Variants in MGAT5B observed in about 807,000 individuals in gnomAD.
The protein encoded by MGAT5B is N-acetylglucosaminyl-transferase Vb.
Under a neutral mutation model 95.1 loss-of-function variants are expected in MGAT5B, and 54 were observed. The ratio of observed to expected loss-of-function variants is 0.57; its 90% confidence interval spans 0.46 to 0.71. MGAT5B has a LOEUF of 0.71. Among genes scored for constraint, MGAT5B ranks in the 30% least tolerant of loss-of-function variants. The probability of loss-of-function intolerance (pLI) is 0.00; values close to 1 mark genes in which losing one functional copy is unlikely to be tolerated. For missense variants in MGAT5B, 935 were observed against 1,088.6 expected (o/e 0.86, Z 1.99); for synonymous variants, 464 against 451.0 (o/e 1.03, Z -0.36).
chr17:76,876,144 G>T (rs1967178923), intron 2 of MGAT5B, among the ~76,000 whole-genome samples: 1 of 152,114 alleles, frequency 6.6e-6, no homozygotes, highest in Non-Finnish European at 1.5e-5. Context: ...GTGCAATGTG[G>T]GTTTAACATC....
chr17:76,877,285 A>G (rs2145122636), intron 2 of MGAT5B, among the ~76,000 whole-genome samples: 1 of 147,852 alleles, frequency 6.8e-6, no homozygotes, highest in South Asian at 2.2e-4. Context: ...AGATTGCGCC[A>G]CTGCACTCCA....
chr17:76,902,275 A>G (rs866908825), intron 3 of MGAT5B, among the ~76,000 whole-genome samples: 3 of 151,640 alleles, frequency 2.0e-5, no homozygotes, highest in Admixed American at 2.0e-4. Context: ...TGCAGATATG[A>G]TCACACATGC....
intron 3 of MGAT5B, among the ~76,000 whole-genome samples, chr17:76,887,745 T>G (rs1276182231): frequency 6.6e-6 from 1 of 150,792 alleles, no homozygotes; most frequent in Non-Finnish European, 1.5e-5. Context: ...TTAGTAGAGA[T>G]GGGGTTTCGC....
intron 3 of MGAT5B, among the ~76,000 whole-genome samples, chr17:76,886,948 G>A (rs1257134581): frequency 1.3e-5 from 2 of 152,208 alleles, no homozygotes; most frequent in African/African-American, 4.8e-5. Context: ...GGAGGCTAAG[G>A]CAGGAGAATC....
At chr17:76,903,155 A>G in intron 4 of MGAT5B, 148 bp from the exon 5 acceptor site, 1 of 603,362 alleles carries the variant, frequency 1.7e-6, no homozygotes, top group Admixed American at 3.1e-5. Context: ...GCCCGGGTTG[A>G]CCTTGTGGGT....
chr17:76,877,103 A>G (rs1967219923), intron 2 of MGAT5B, among the ~76,000 whole-genome samples: 1 of 152,000 alleles, frequency 6.6e-6, no homozygotes, highest in African/African-American at 2.4e-5. Context: ...AGGCAGGTGG[A>G]TCACCTGAGG....
intron 10 of MGAT5B, 109 bp from the exon 11 acceptor site, chr17:76,932,536 T>C: frequency 3.2e-6 from 4 of 1,263,056 alleles, no homozygotes; most frequent in Admixed American, 2.2e-5. Flanking sequence ...CCCCGCCCCC[T>C]TTCCCACCCC....
At chr17:76,936,716 T>A (rs958387508) in intron 12 of MGAT5B, among the ~76,000 whole-genome samples, 1 of 152,242 alleles carries the variant, frequency 6.6e-6, no homozygotes, top group African/African-American at 2.4e-5. Flanking sequence ...TCCACTGAAA[T>A]GTTTTGCACC....
rs1966932350 is a variant in MGAT5B, at chr17:76,869,817, G to A, written c.68+720G>A. 6.6e-6 allele frequency among the ~76,000 whole-genome samples: 1 copy of A among 152,126 alleles called. No individual in the cohort carries two copies. ...CACGCTTCGGGCGGCCAACACCTGG[G>A]GGCCCAGGCCAGGCAGGGCTGGGGC... On this transcript the variant is annotated intron_variant, in intron 1 of 17. Transcript: ENST00000569840. This position sits in a 1 kb window ranked among gnomAD's most constrained non-coding sequence, Gnocchi z 7.0.
At chr17:76,875,688 C>T (rs568481942) in intron 2 of MGAT5B, among the ~76,000 whole-genome samples, 1 of 114,332 alleles carries the variant, frequency 8.7e-6, no homozygotes, top group African/African-American at 3.5e-5. Flanking sequence ...TGCTGTGTAG[C>T]CTTCCATTGT....
chr17:76,900,558 C>T (rs527496893), intron 3 of MGAT5B, among the ~76,000 whole-genome samples: 46 of 152,300 alleles, frequency 3.0e-4, no homozygotes, highest in African/African-American at 1.0e-3. Flanking sequence ...GGAGCAGCCA[C>T]GGGCTGAGGA....
intron 3 of MGAT5B, among the ~76,000 whole-genome samples, chr17:76,884,014 G>A (rs1309012513): frequency 2.0e-5 from 3 of 152,214 alleles, no homozygotes; most frequent in Admixed American, 6.5e-5. Context: ...TTGAGTGAAC[G>A]TCCTGGATGC....
Position 76,938,984 on chromosome 17 carries a change from C to G in MGAT5B, c.1584+841C>G, listed in dbSNP as rs570210661. On this transcript the variant is annotated intron_variant, in intron 13 of 17. Transcript: ENST00000569840. This position sits in a 1 kb window ranked among gnomAD's most constrained non-coding sequence, Gnocchi z 4.3. The stretch of plus-strand genomic sequence containing the variant: ...GTGAGCCACTGCACCTGGCCCCAGG[C>G]CCTCTCTTGATCTCACCATAGCTTG... Among the ~76,000 whole-genome samples the G allele has an allele frequency of 6.6e-6, 1 of 151,340 alleles. No homozygotes were observed. Among genetic ancestry groups the G allele is most frequent in the Admixed American group, 6.6e-5 (1 of 15,182 alleles).
At chr17:76,939,887 G>A (rs950071427) in intron 13 of MGAT5B, among the ~76,000 whole-genome samples, 2 of 152,096 alleles carry the variant, frequency 1.3e-5, no homozygotes, top group Admixed American at 1.3e-4. Context: ...ATCTTATGGT[G>A]TCTATGTACC....
At chr17:76,936,190 C>G (rs186912375) in intron 12 of MGAT5B, among the ~76,000 whole-genome samples, 1 of 151,780 alleles carries the variant, frequency 6.6e-6, no homozygotes, top group South Asian at 2.1e-4. Flanking sequence ...GGGTGGATCC[C>G]GAGGTCAGGA....
At chr17:76,880,449 A>G (rs983968983) in intron 2 of MGAT5B, among the ~76,000 whole-genome samples, 1 of 152,164 alleles carries the variant, frequency 6.6e-6, no homozygotes, top group African/African-American at 2.4e-5. Context: ...CCAGGGAAGA[A>G]GGGCAGAACC....
chr17:76,939,705 G>C (rs55982251), intron 13 of MGAT5B, among the ~76,000 whole-genome samples: 12,130 of 152,062 alleles, frequency 0.08, 548 homozygotes, highest in African/African-American at 0.11. Context: ...CCAGGTGTCT[G>C]TTGTTGCCAT....
chr17:76,896,565 T>G (rs1197536272), intron 3 of MGAT5B, among the ~76,000 whole-genome samples: 2 of 152,208 alleles, frequency 1.3e-5, no homozygotes, highest in African/African-American at 4.8e-5. Context: ...TGCTGAGTAC[T>G]TTGCATTTGG....
Position 76,915,346 on chromosome 17 carries a change from G to A in MGAT5B, c.1025+9159G>A, listed in dbSNP as rs903726110. Among the ~76,000 whole-genome samples the A allele has an allele frequency of 6.6e-6, 1 of 151,954 alleles. No individual in the cohort carries two copies. Among genetic ancestry groups the A allele is most frequent in the Non-Finnish European group, 1.5e-5 (1 of 68,008 alleles). ...GCAGCGGGGTGGGGGGCCTGGGCTG[G>A]GGGCCGGGGATCGGGCACTCCTCTC... On this transcript the variant is annotated intron_variant, in intron 8 of 17. Transcript: ENST00000569840. This position sits in a 1 kb window ranked among gnomAD's most constrained non-coding sequence, Gnocchi z 8.7.
Sources: gnomAD v4.1 joint callset for allele counts (sites outside exome capture counted in the v4.1 genomes callset) on GRCh38, gnomAD v4.1.1 for gene constraint, Gnocchi (gnomAD v3.1) non-coding constraint, MANE v1.5 for transcripts, NCBI Gene and HGNC (gene_info 2026-07-23, HGNC 2026-07-21) for gene names.